STK10: variants seen among roughly 807,000 people sequenced by gnomAD.
STK10 encodes the protein serine/threonine kinase 10.
Under a neutral mutation model 113.8 loss-of-function variants are expected in STK10, and 78 were observed. The observed-to-expected ratio is 0.69, with a 90% confidence interval of 0.57 to 0.83. STK10 has a LOEUF of 0.83. STK10 is among the 40% of genes least tolerant of loss of function. STK10 has a pLI of 0.00. For missense variants in STK10, 1,109 were observed against 1,280.1 expected (o/e 0.87, Z 2.04); for synonymous variants, 465 against 494.7 (o/e 0.94, Z 0.80).
At position 172,187,679 on chromosome 5, in the gene STK10, G is replaced by C. The variant is rs1236183704; in HGVS notation, c.156+208C>G. On this transcript the variant is annotated intron_variant, in intron 1 of 18. Transcript: ENST00000176763. The surrounding 1 kb of genome is among the most constrained non-coding windows in gnomAD (Gnocchi z 4.6). ...TAGGGTGGGGGCGGCAACCGTGCCC[G>C]GAGGGGGCGCCCAGAGCGCAGGGAC... Among the ~76,000 whole-genome samples the C allele has an allele frequency of 2.6e-5, 4 of 152,206 alleles. No homozygotes were observed. Among genetic ancestry groups the C allele is most frequent in the Non-Finnish European group, 5.9e-5 (4 of 68,042 alleles).
chr5:172,170,122 CTTT>C (rs11347358), intron 1 of STK10, among the ~76,000 whole-genome samples: 1 of 119,428 alleles, frequency 8.4e-6, no homozygotes, highest in Non-Finnish European at 1.7e-5. Flanking sequence ...AGTATGTATC[CTTT>C]TTTTTTTTTT....
intron 1 of STK10, among the ~76,000 whole-genome samples, chr5:172,178,466 T>TCACC (rs1177515215): frequency 2.0e-5 from 3 of 152,154 alleles, no homozygotes; most frequent in African/African-American, 7.2e-5. Context: ...GGCAGCACCT[T>TCACC]TCGGTCTCCT....
intron 2 of STK10, among the ~76,000 whole-genome samples, chr5:172,155,282 G>C (rs1442839171): frequency 3.9e-5 from 6 of 152,158 alleles, no homozygotes; most frequent in African/African-American, 1.4e-4. Flanking sequence ...TGGATCTCCT[G>C]AGGTCAGGAG....
intron 17 of STK10, 151 bp from the exon 18 acceptor site, chr5:172,053,193 C>G: frequency 3.2e-6 from 2 of 632,854 alleles, no homozygotes; most frequent in Non-Finnish European, 5.5e-6. Flanking sequence ...AAACTCTATA[C>G]GTAAATCACA....
At chr5:172,088,443 G>C (rs1374283009) in intron 10 of STK10, among the ~76,000 whole-genome samples, 1 of 152,138 alleles carries the variant, frequency 6.6e-6, no homozygotes. Flanking sequence ...AGAATCGCTT[G>C]AACCCGGGAG....
At chr5:172,119,680 C>T (rs7707241) in intron 3 of STK10, among the ~76,000 whole-genome samples, 17,997 of 149,256 alleles carry the variant, frequency 0.12, 1,103 homozygotes, top group Non-Finnish European at 0.14. Flanking sequence ...CTGGCTAAAA[C>T]GGTGAAACCC....
intron 2 of STK10, among the ~76,000 whole-genome samples, chr5:172,154,920 A>G (rs1407591494): frequency 6.6e-6 from 1 of 152,220 alleles, no homozygotes; most frequent in Non-Finnish European, 1.5e-5. Flanking sequence ...CCAAGCACAC[A>G]GTAAACTCTC....
intron 10 of STK10, among the ~76,000 whole-genome samples, chr5:172,087,926 C>CGTATG: frequency 9.9e-6 from 1 of 101,084 alleles, no homozygotes; most frequent in African/African-American, 4.9e-5. Context: ...CCGCGCCCGG[C>CGTATG]CTTAAATTTA....
intron 1 of STK10, among the ~76,000 whole-genome samples, chr5:172,157,761 T>C (rs572812566): frequency 4.0e-4 from 61 of 151,138 alleles, no homozygotes; most frequent in African/African-American, 1.4e-3. Flanking sequence ...TGGCTAAATT[T>C]TGTGTTTTTA....
At chr5:172,062,063 A>G (rs1290904108) in intron 13 of STK10, among the ~76,000 whole-genome samples, 5 of 149,792 alleles carry the variant, frequency 3.3e-5, no homozygotes, top group Non-Finnish European at 5.9e-5. Context: ...CTGCAACCTC[A>G]GCCTCCCAGG....
chr5:172,179,891 G>C (rs3797321), intron 1 of STK10, among the ~76,000 whole-genome samples: 1 of 152,114 alleles, frequency 6.6e-6, no homozygotes, highest in Non-Finnish European at 1.5e-5. Flanking sequence ...CGGGCAAGAC[G>C]GCCTGGGAGG....
rs895375158 is a variant in STK10 at position 172,042,802 on chromosome 5, G to A, written c.*2080C>T. 4.7e-4 allele frequency: 72 copies of A among 152,244 alleles called. No individual in the cohort carries two copies. Among genetic ancestry groups the A allele is most frequent in the African/African-American group, 1.7e-3 (72 of 41,462 alleles). 9.4% of individuals were successfully genotyped at this position (152,244 alleles called of 1,614,324 possible). On this transcript the variant is annotated 3_prime_UTR_variant, in exon 19 of 19. Transcript: ENST00000176763. ...GCAAGCTAAATGCTCACTAACCTGA[G>A]AACCATTGCTAGCTCCAAGAGAATC...
Position 172,187,765 on chromosome 5 carries a change from AC to A in STK10, c.156+121del. 1 of 1,408,394 alleles carries A rather than the reference AC, an allele frequency of 7.1e-7. No individual in the cohort carries two copies. The highest frequency in any genetic ancestry group is 2.5e-5 in the East Asian group (1 of 39,802). The allele number at this position is 1,408,394 out of a possible 1,614,324, so 87.2% of individuals were successfully genotyped here. On this transcript the variant is annotated intron_variant, in intron 1 of 18. Coordinates refer to ENST00000176763, the MANE Select transcript of STK10 (RefSeq NM_005990.4). The surrounding 1 kb of genome is among the most constrained non-coding windows in gnomAD (Gnocchi z 4.6). ...AGAGTCATCGGGATGAGGGCCAGGG[AC>A]CCCGAATTCAGCGCCGGGCAGCCCT...
chr5:172,172,235 A>G (rs1770674851), intron 1 of STK10, among the ~76,000 whole-genome samples: 1 of 152,112 alleles, frequency 6.6e-6, no homozygotes, highest in African/African-American at 2.4e-5. Flanking sequence ...GGAGCACAAA[A>G]CACTCTTCCC....
rs1268304148 is a variant in STK10 at position 172,187,738 on chromosome 5, CAAG to C, written c.156+146_156+148del. On this transcript the variant is annotated intron_variant, in intron 1 of 18. Coordinates refer to ENST00000176763, the MANE Select transcript of STK10 (RefSeq NM_005990.4). This position sits in a 1 kb window ranked among gnomAD's most constrained non-coding sequence, Gnocchi z 4.6. The stretch of plus-strand genomic sequence containing the variant: ...GCCGAGTGATGTTCCCCCCAAAAAA[CAAG>C]AGTCATCGGGATGAGGGCCAGGGAC... The C allele has an allele frequency of 1.6e-6, 2 of 1,246,890 alleles. No individual in the cohort carries two copies. The highest frequency in any genetic ancestry group is 2.2e-6 in the Non-Finnish European group (2 of 920,980). 77.2% of individuals were successfully genotyped at this position (1,246,890 alleles called of 1,614,324 possible).
intron 3 of STK10, among the ~76,000 whole-genome samples, chr5:172,124,417 T>C (rs1769577997): frequency 6.6e-6 from 1 of 152,202 alleles, no homozygotes; most frequent in Admixed American, 6.5e-5. Flanking sequence ...ATCACTTTTA[T>C]ACTGTTAGAT....
At chr5:172,049,081 G>T (rs1767568646) in intron 18 of STK10, among the ~76,000 whole-genome samples, 1 of 151,968 alleles carries the variant, frequency 6.6e-6, no homozygotes, top group Non-Finnish European at 1.5e-5. Context: ...GCCTCACTTT[G>T]TGACCCCCCC....
At position 172,144,790 on chromosome 5, in the gene STK10, G is replaced by A. The variant is rs6878645; in HGVS notation, c.321+11834C>T. Among the ~76,000 whole-genome samples, 479 of 152,246 alleles carry A rather than the reference G, an allele frequency of 3.1e-3. 3 individuals carry two copies. The highest frequency in any genetic ancestry group is 0.011 in the African/African-American group (460 of 41,548). On this transcript the variant is annotated intron_variant, in intron 2 of 18. Transcript: ENST00000176763. The stretch of plus-strand genomic sequence containing the variant: ...CTAAGCGTGTACGTGCCATGGGGCC[G>A]GGTGGAGGGAGTCCTGCCGAGGCAA...
At chr5:172,131,032 GTT>G (rs773484183) in intron 2 of STK10, among the ~76,000 whole-genome samples, 7 of 109,518 alleles carry the variant, frequency 6.4e-5, no homozygotes, top group African/African-American at 1.5e-4. Flanking sequence ...GCCATCAGCT[GTT>G]TTTTTTTTTT....
Sources: allele counts gnomAD v4.1 joint callset (sites outside exome capture counted in the v4.1 genomes callset), GRCh38; gene constraint gnomAD v4.1.1; non-coding constraint Gnocchi (gnomAD v3.1); transcripts MANE v1.5; gene names NCBI Gene and HGNC (gene_info 2026-07-23, HGNC 2026-07-21).